DNAJC1: variants seen among roughly 807,000 people sequenced by gnomAD.
DNAJC1 encodes dnaJ homolog subfamily C member 1.
Under a neutral mutation model 76.6 loss-of-function variants are expected in DNAJC1, and 58 were observed. That is an observed-to-expected ratio of 0.76 (90% CI 0.61 to 0.94). The LOEUF (loss-of-function observed/expected upper bound fraction) is 0.94, where lower values mean the gene tolerates loss of function less well. DNAJC1 is among the 40% of genes least tolerant of loss of function. The probability of loss-of-function intolerance (pLI) is 0.00; values close to 1 mark genes in which losing one functional copy is unlikely to be tolerated. For synonymous variants in DNAJC1, 258 were observed against 267.9 expected (o/e 0.96, Z 0.36); for missense variants, 689 against 677.3 (o/e 1.02, Z -0.19).
chr10:21,877,665 C>T (rs1590028110), intron 8 of DNAJC1, among the ~76,000 whole-genome samples: 1 of 152,138 alleles, frequency 6.6e-6, no homozygotes, highest in African/African-American at 2.4e-5. Flanking sequence ...AAGACTTGAC[C>T]AAGCATTGGC....
At chr10:21,909,126 G>A (rs1336775182) in intron 6 of DNAJC1, among the ~76,000 whole-genome samples, 2 of 152,222 alleles carry the variant, frequency 1.3e-5, no homozygotes, top group Non-Finnish European at 2.9e-5. Context: ...GGCCTCAGGT[G>A]ATCTGCCTGC....
At chr10:21,775,331 CTTTTTTTTTTTT>C (rs34444920) in intron 9 of DNAJC1, among the ~76,000 whole-genome samples, 2 of 49,668 alleles carry the variant, frequency 4.0e-5, no homozygotes, top group Non-Finnish European at 7.6e-5. Flanking sequence ...CTGCAAATGG[CTTTTTTTTTTTT>C]TTTTTTTTTT....
Position 21,949,699 on chromosome 10 carries a change from G to A in DNAJC1, c.223-20558C>T, listed in dbSNP as rs140645655. Among the ~76,000 whole-genome samples the A allele has an allele frequency of 7.4e-4, 113 of 151,908 alleles. 2 individuals are homozygous for A. In the East Asian group the frequency reaches 0.017, roughly 23 times the overall value. On this transcript the variant is annotated intron_variant, in intron 1 of 11. Coordinates refer to ENST00000376980, the MANE Select transcript of DNAJC1 (RefSeq NM_022365.4). Reference sequence around the variant, plus strand: ...CCTGAAATGTTGGGATTACAGGTGTGAGCCACCGCACCCGGCCAATAAGCG... The same window carrying A: ...CCTGAAATGTTGGGATTACAGGTGTAAGCCACCGCACCCGGCCAATAAGCG...
chr10:21,843,225 A>G (rs1344825096), intron 8 of DNAJC1, among the ~76,000 whole-genome samples: 1 of 152,196 alleles, frequency 6.6e-6, no homozygotes, highest in Non-Finnish European at 1.5e-5. Flanking sequence ...ATACATGTAT[A>G]TATTAGTAAA....
At chr10:21,841,973 C>A (rs1414841401) in intron 8 of DNAJC1, among the ~76,000 whole-genome samples, 1 of 151,664 alleles carries the variant, frequency 6.6e-6, no homozygotes, top group Non-Finnish European at 1.5e-5. Context: ...TGGAAACCAT[C>A]ATTCTCAGCA....
chr10:21,931,717 C>T (rs1210770632), intron 1 of DNAJC1, among the ~76,000 whole-genome samples: 6 of 152,140 alleles, frequency 3.9e-5, no homozygotes, highest in Non-Finnish European at 4.4e-5. Flanking sequence ...AACCCTGGTA[C>T]GTATTGGCTT....
intron 10 of DNAJC1, among the ~76,000 whole-genome samples, chr10:21,764,322 G>A (rs1834271941): frequency 6.6e-6 from 1 of 152,184 alleles, no homozygotes; most frequent in Admixed American, 6.5e-5. Context: ...AAAGTCTGAA[G>A]AAATATCTCT....
intron 1 of DNAJC1, among the ~76,000 whole-genome samples, chr10:21,946,500 A>T (rs1423143196): frequency 6.6e-6 from 1 of 152,132 alleles, no homozygotes; most frequent in South Asian, 2.1e-4. Flanking sequence ...TATTTTTATA[A>T]AAAAGATAAT....
chr10:21,791,129 C>CA (rs1159109139), intron 9 of DNAJC1, among the ~76,000 whole-genome samples: 3 of 151,734 alleles, frequency 2.0e-5, no homozygotes, highest in African/African-American at 4.8e-5. Flanking sequence ...CAAAAAGAGA[C>CA]AAAAAAGGTC....
At chr10:21,991,770 A>G (rs1054581332) in intron 1 of DNAJC1, among the ~76,000 whole-genome samples, 5 of 152,222 alleles carry the variant, frequency 3.3e-5, no homozygotes, top group African/African-American at 4.8e-5. Context: ...ATGAGAAACC[A>G]AAATTTTAAT....
intron 8 of DNAJC1, among the ~76,000 whole-genome samples, chr10:21,880,350 G>A (rs975947957): frequency 5.3e-5 from 8 of 152,110 alleles, no homozygotes; most frequent in African/African-American, 1.7e-4. Flanking sequence ...GTTTGTAATG[G>A]CATCTAGAAT....
chr10:21,970,642 A>G lies in DNAJC1; in HGVS notation c.222+32571T>C, dbSNP rs138666764. Among the ~76,000 whole-genome samples, 19 of 152,114 alleles carry G rather than the reference A, an allele frequency of 1.2e-4. No individual in the cohort carries two copies. The East Asian group carries it at 3.7e-3, about 29-fold the overall frequency. On this transcript the variant is annotated intron_variant, in intron 1 of 11. Coordinates refer to ENST00000376980, the MANE Select transcript of DNAJC1 (RefSeq NM_022365.4). ...AGGTCAGCATCTCTATCTAAAGGTGATAGACCAAAGATTTATTTTCAGACA... is the reference window on the plus strand; with the variant it reads ...AGGTCAGCATCTCTATCTAAAGGTGGTAGACCAAAGATTTATTTTCAGACA...
At chr10:21,918,220 A>G (rs1157446910) in intron 6 of DNAJC1, among the ~76,000 whole-genome samples, 1 of 151,952 alleles carries the variant, frequency 6.6e-6, no homozygotes, top group Non-Finnish European at 1.5e-5. Flanking sequence ...ACATCTAAAT[A>G]TGATACATAT....
At chr10:21,974,361 CTA>C (rs1838030162) in intron 1 of DNAJC1, among the ~76,000 whole-genome samples, 3 of 152,050 alleles carry the variant, frequency 2.0e-5, no homozygotes, top group Admixed American at 2.0e-4. Context: ...AGTAATTTTG[CTA>C]TGTCTAGGAA....
At chr10:21,802,062 T>C (rs1834820337) in intron 9 of DNAJC1, among the ~76,000 whole-genome samples, 1 of 152,132 alleles carries the variant, frequency 6.6e-6, no homozygotes, top group Non-Finnish European at 1.5e-5. Context: ...TGAAATAATC[T>C]GTACAACCAG....
intron 1 of DNAJC1, among the ~76,000 whole-genome samples, chr10:21,971,357 C>T (rs1837974451): frequency 6.6e-6 from 1 of 151,760 alleles, no homozygotes; most frequent in South Asian, 2.1e-4. Flanking sequence ...TTTATCTTAA[C>T]ATATTTTACC....
intron 1 of DNAJC1, among the ~76,000 whole-genome samples, chr10:21,969,006 T>C (rs1837933543): frequency 6.6e-6 from 1 of 151,834 alleles, no homozygotes; most frequent in South Asian, 2.1e-4. Context: ...GACGGATCAC[T>C]TGAGGTCAGG....
chr10:21,799,566 G>A (rs906089233), intron 9 of DNAJC1, among the ~76,000 whole-genome samples: 4 of 152,138 alleles, frequency 2.6e-5, no homozygotes, highest in African/African-American at 9.7e-5. Flanking sequence ...GCCTATCAAA[G>A]TGCTGGGATT....
At position 21,772,789 on chromosome 10, in the gene DNAJC1, T is replaced by C. The variant is rs551387367; in HGVS notation, c.1099-6480A>G. On this transcript the variant is annotated intron_variant, in intron 9 of 11. Coordinates refer to ENST00000376980, the MANE Select transcript of DNAJC1 (RefSeq NM_022365.4). ...CATGGCTATAAAGAAATGCCTGAGA[T>C]TGGGTAATTTATAAAGAAAAGATAC... 8.5e-5 allele frequency among the ~76,000 whole-genome samples: 13 copies of C among 152,126 alleles called. No homozygotes were observed. In the East Asian group the frequency reaches 1.9e-3, roughly 23 times the overall value.
Sources: allele counts gnomAD v4.1 joint callset (sites outside exome capture counted in the v4.1 genomes callset), GRCh38; gene constraint gnomAD v4.1.1; transcripts MANE v1.5; gene names NCBI Gene and HGNC (gene_info 2026-07-23, HGNC 2026-07-21).